Variants in PRSS23 observed in about 807,000 individuals in gnomAD.
PRSS23 encodes the protein serine protease 23.
A neutral mutation model predicts 34.7 loss-of-function variants in PRSS23; 25 were observed. The observed-to-expected ratio is 0.72, with a 90% CI of 0.53 to 1.01. The LOEUF (loss-of-function observed/expected upper bound fraction) is 1.01. Among genes scored for constraint, PRSS23 ranks in the 50% least tolerant of loss-of-function variants. The pLI, the probability that PRSS23 is intolerant of heterozygous loss-of-function variation, is 0.00. For missense variants in PRSS23, 445 were observed against 475.6 expected (o/e 0.94, Z 0.60); for synonymous variants, 176 against 186.6 (o/e 0.94, Z 0.46).
chr11:86,846,722 A>G (rs934014503), intron 2 of PRSS23, among the ~76,000 whole-genome samples: 5 of 152,178 alleles, frequency 3.3e-5, no homozygotes, highest in Non-Finnish European at 7.3e-5. Flanking sequence ...TTCCCACTAG[A>G]CAGGATCAAG....
rs11352878 is a variant in PRSS23 at position 86,867,874 on chromosome 11, C to CAAAAAAAAAAA, written c.206+44288_206+44298dup. Among the ~76,000 whole-genome samples, 565 of 118,102 alleles carry CAAAAAAAAAAA rather than the reference C, an allele frequency of 4.8e-3. 19 individuals carry two copies. The highest frequency in any genetic ancestry group is 0.013 in the African/African-American group (358 of 28,206). The allele number at this position is 118,102 out of a possible 152,430, so 77.5% of individuals were successfully genotyped here. A position where few individuals can be genotyped will look rare whatever the true frequency, so the allele number is the denominator to read the frequency against. The stretch of plus-strand genomic sequence containing the variant: ...CCAGTGACAGAGTGAGACCCTACCT[C>CAAAAAAAAAAA]AAAAAAAAAAAAAAAAATACAACAG... On this transcript the variant is annotated intron_variant, in intron 2 of 2. Transcript: ENST00000533902.
chr11:86,858,612 GGAT>G (rs1452584540), intron 2 of PRSS23, among the ~76,000 whole-genome samples: 1 of 151,550 alleles, frequency 6.6e-6, no homozygotes, highest in Non-Finnish European at 1.5e-5. Flanking sequence ...AGGGGGGAGA[GGAT>G]GATATTACTC....
chr11:86,951,342 A>C, exon 3 of PRSS23: 1 of 1,613,892 alleles, frequency 6.2e-7, no homozygotes, highest in South Asian at 1.1e-5. Context: ...GCCATGTTGG[A>C]ATCATCTGCA....
intron 1 of PRSS23, chr11:86,821,726 C>G: frequency 7.1e-7 from 1 of 1,406,600 alleles, no homozygotes; most frequent in Non-Finnish European, 9.8e-7. Context: ...AGTGTACTGT[C>G]TATTTCTTCA....
chr11:86,924,891 T>C (rs1949070225), intron 2 of PRSS23: 1 of 152,198 alleles, frequency 6.6e-6, no homozygotes, highest in Non-Finnish European at 1.5e-5. Context: ...AGCTTCTGAT[T>C]TGTGACACTT....
intron 1 of PRSS23, chr11:86,821,794 G>A (rs994041194): frequency 1.6e-5 from 14 of 871,322 alleles, no homozygotes; most frequent in South Asian, 1.3e-4. Flanking sequence ...GCCTCAGCAC[G>A]CTGCCCCCTC....
chr11:86,849,042 C>G (rs1948510155), intron 2 of PRSS23, among the ~76,000 whole-genome samples: 1 of 152,182 alleles, frequency 6.6e-6, no homozygotes, highest in South Asian at 2.1e-4. Context: ...AAGCACCCAA[C>G]CAGATGATTC....
intron 2 of PRSS23, chr11:86,910,785 C>T (rs1948972204): frequency 6.6e-6 from 1 of 152,140 alleles, no homozygotes; most frequent in South Asian, 2.1e-4. Flanking sequence ...AAACCAAGTT[C>T]TCCCACTTTA....
chr11:86,844,598 A>C (rs1948472661), intron 2 of PRSS23, among the ~76,000 whole-genome samples: 4 of 152,182 alleles, frequency 2.6e-5, no homozygotes, highest in East Asian at 1.9e-4. Context: ...ACCTGCCCCC[A>C]TTTCTTTCTG....
chr11:86,929,871 C>CT (rs1053682741), intron 2 of PRSS23, among the ~76,000 whole-genome samples: 2 of 152,082 alleles, frequency 1.3e-5, no homozygotes, highest in African/African-American at 4.8e-5. Context: ...AGGAAGCTCT[C>CT]TAAGTTGTGA....
intron 2 of PRSS23, among the ~76,000 whole-genome samples, chr11:86,913,673 T>G (rs138713849): frequency 6.6e-6 from 1 of 151,752 alleles, no homozygotes; most frequent in East Asian, 1.9e-4. Flanking sequence ...ACTCTTAAAT[T>G]CCAACTCTGC....
At chr11:86,800,091 T>C (rs1324699083), upstream of PRSS23, 1 of 152,344 alleles carries the variant, frequency 6.6e-6, no homozygotes, top group Admixed American at 6.5e-5. Flanking sequence ...GCGTCCCTAG[T>C]TCTAGGCTGT....
At chr11:86,851,720 A>G (rs985365453) in intron 2 of PRSS23, among the ~76,000 whole-genome samples, 6 of 152,368 alleles carry the variant, frequency 3.9e-5, no homozygotes, top group African/African-American at 1.2e-4. Flanking sequence ...AACAAGCTGC[A>G]TAGACCACAG....
intron 2 of PRSS23, chr11:86,934,113 GGA>G (rs1949144856): frequency 6.6e-6 from 1 of 151,586 alleles, no homozygotes; most frequent in African/African-American, 2.4e-5. Flanking sequence ...CCCCCAGTTC[GGA>G]ATGGGAAAAC....
In PRSS23 at chr11:86,825,180, T is replaced by G. The variant is rs534636409; in HGVS notation, c.206+1587T>G. ...TTTTAATGATTGCCATTCTAACTGG[T>G]GTGAGATGGTATCTCATTGTGGTTT... is the stretch of plus-strand genomic sequence containing the variant. On this transcript the variant is annotated intron_variant, in intron 2 of 2. Coordinates refer to the PRSS23 transcript ENST00000533902. 4.6e-5 allele frequency among the ~76,000 whole-genome samples: 7 copies of G among 151,966 alleles called. No homozygotes were observed. In the East Asian group the frequency reaches 9.7e-4, roughly 21 times the overall value.
In PRSS23 at chr11:86,869,582, A is replaced by G. The variant is rs139455237; in HGVS notation, c.206+45989A>G. ...AGAAAGGGCTTGACTGTTTGGGGAA[A>G]TGGGAAGAGGAGAGAGGCTCAAAGG... On this transcript the variant is annotated intron_variant, in intron 2 of 2. Transcript: ENST00000533902. 3.2e-3 allele frequency among the ~76,000 whole-genome samples: 480 copies of G among 152,214 alleles called. 5 individuals are homozygous for G. The highest frequency in any genetic ancestry group is 0.011 in the African/African-American group (455 of 41,552).
chr11:86,821,248 T>C, intron 1 of PRSS23: 1 of 531,664 alleles, frequency 1.9e-6, no homozygotes, highest in Non-Finnish European at 3.1e-6. Context: ...TCATCACAAA[T>C]TTAGTAATCC....
intron 2 of PRSS23, among the ~76,000 whole-genome samples, chr11:86,872,283 A>T (rs1948690170): frequency 6.6e-6 from 1 of 152,340 alleles, no homozygotes; most frequent in African/African-American, 2.4e-5. Flanking sequence ...TGTATAAAAT[A>T]TGGGGCAATG....
intron 2 of PRSS23, among the ~76,000 whole-genome samples, chr11:86,898,213 G>A (rs1948889173): frequency 6.6e-6 from 1 of 152,192 alleles, no homozygotes; most frequent in Non-Finnish European, 1.5e-5. Context: ...TGTCAATAGT[G>A]CAGTGAGGAG....
Sources: gnomAD v4.1 joint callset for allele counts (sites outside exome capture counted in the v4.1 genomes callset) on GRCh38, gnomAD v4.1.1 for gene constraint, MANE v1.5 for transcripts, NCBI Gene and HGNC (gene_info 2026-07-23, HGNC 2026-07-21) for gene names.